The following NOMO3 variants were observed in gnomAD, a reference collection of about 807,000 sequenced individuals.
NOMO3 encodes the protein BOS complex subunit NOMO3.
Under a neutral mutation model 69.9 loss-of-function variants are expected in NOMO3, and 15 were observed. The ratio of observed to expected loss-of-function variants is 0.21; its 90% CI spans 0.14 to 0.33. The LOEUF (loss-of-function observed/expected upper bound fraction) is 0.33. Among genes scored for constraint, NOMO3 ranks in the 10% least tolerant of loss-of-function variants. The pLI, the probability that NOMO3 is intolerant of heterozygous loss-of-function variation, is 1.00. For missense variants in NOMO3, 218 were observed against 761.0 expected, an observed-to-expected ratio of 0.29 and a Z score of 8.39; for synonymous variants, 89 against 301.9, an observed-to-expected ratio of 0.29 and a Z score of 7.31.
intron 20 of NOMO3, among the ~76,000 whole-genome samples, chr16:16,274,360 T>C (rs1330570495): frequency 1.4e-5 from 1 of 69,334 alleles, no homozygotes; most frequent in Non-Finnish European, 2.8e-5. Flanking sequence ...TTGATCTTTT[T>C]GGAAAAGGAC....
chr16:16,266,062 G>A (rs2049616836), intron 15 of NOMO3, among the ~76,000 whole-genome samples: 1 of 143,382 alleles, frequency 7.0e-6, no homozygotes, highest in Admixed American at 6.7e-5. Flanking sequence ...CTTGTTGACT[G>A]TGGTCTCTGT....
chr16:16,237,937 T>C (rs376640724), intron 2 of NOMO3, among the ~76,000 whole-genome samples: 132 of 139,662 alleles, frequency 9.5e-4, no homozygotes, highest in African/African-American at 2.5e-3. Context: ...CATATGTATA[T>C]ATGGAAATAC....
intron 6 of NOMO3, among the ~76,000 whole-genome samples, chr16:16,248,048 T>C (rs914455598): frequency 1.0e-5 from 1 of 97,774 alleles, no homozygotes; most frequent in Non-Finnish European, 1.8e-5. Flanking sequence ...AATATGATTT[T>C]AAATACTTGT....
In NOMO3 at chr16:16,263,500, C is replaced by T. The variant is rs1172301422; in HGVS notation, c.1538-13C>T. On this transcript the variant is annotated splice_polypyrimidine_tract_variant and intron_variant, in intron 13 of 30. Transcript: ENST00000399336. ...AAGGGGTCACATGGAGCCCTCCCTTCTTTTCCCTGCAGACACCTGTGGTGA... is the reference window on the plus strand; with the variant it reads ...AAGGGGTCACATGGAGCCCTCCCTTTTTTTCCCTGCAGACACCTGTGGTGA... The T allele has an allele frequency of 6.0e-6, 7 of 1,175,316 alleles. No individual in the cohort carries two copies. Among genetic ancestry groups the T allele is most frequent in the Non-Finnish European group, 6.8e-6 (6 of 876,884 alleles). The allele number at this position is 1,175,316 out of a possible 1,614,324, so 72.8% of individuals were successfully genotyped here.
At position 16,273,751 on chromosome 16, in the gene NOMO3, G is replaced by A; in HGVS notation, c.2117G>A (p.Arg706Gln). The stretch of plus-strand genomic sequence containing the variant: ...CCTCTGAAGTCTGTGCAGGAGCTGC[G>A]GAGGGAGCAGCAGCTGGCTGAGATC... ...LGPLKSVQEL[R>Q]REQQLAEIEA... The change falls in exon 19 of 31, where the codon CGG (arginine) becomes CAG (glutamine). Residue 706 changes from arginine (R) to glutamine (Q), a missense_variant. Coordinates refer to ENST00000399336, the MANE Select transcript of NOMO3 (RefSeq NM_001004067.4). 1.0e-6 allele frequency: 1 copy of A among 984,274 alleles called. No individual in the cohort carries two copies. The highest frequency in any genetic ancestry group is 5.6e-5 in the African/African-American group (1 of 17,848). 61.0% of individuals were successfully genotyped at this position (984,274 alleles called of 1,614,324 possible).
intron 3 of NOMO3, 132 bp from the exon 4 acceptor site, chr16:16,243,029 G>A: frequency 6.7e-6 from 9 of 1,335,828 alleles, no homozygotes; most frequent in Non-Finnish European, 8.9e-6. Flanking sequence ...AACACAACGA[G>A]TGTATTAAGT....
rs1372535097 is a variant in NOMO3 at position 16,255,616 on chromosome 16, C to T, written c.964-104C>T. On this transcript the variant is annotated intron_variant, in intron 9 of 30. Transcript: ENST00000399336. ...GGGGCACTGAGTGTTGGGAGGTGGG[C>T]GGCAGGAGCAGACATGGTAGGTGGT... The T allele has an allele frequency of 4.5e-6, 3 of 669,518 alleles. 1 individual carries two copies. The highest frequency in any genetic ancestry group is 6.2e-5 in the East Asian group (2 of 32,106). The allele number at this position is 669,518 out of a possible 1,614,324, so 41.5% of individuals were successfully genotyped here. A position where few individuals can be genotyped will look rare whatever the true frequency, so the allele number is the denominator to read the frequency against.
intron 12 of NOMO3, among the ~76,000 whole-genome samples, chr16:16,262,682 A>C (rs1231440159): frequency 7.5e-6 from 1 of 133,108 alleles, no homozygotes; most frequent in Admixed American, 7.3e-5. Context: ...AAAATGACTT[A>C]ATTCCACCAA....
At chr16:16,245,295 A>T in intron 5 of NOMO3, 121 bp downstream of exon 5, 1 of 1,529,146 alleles carries the variant, frequency 6.5e-7, no homozygotes, top group South Asian at 1.2e-5. Context: ...CAGCCTCTTA[A>T]GTTTGGGTGA....
chr16:16,263,272 G>A (rs958643732), intron 13 of NOMO3, 57 bp downstream of exon 13: 1 of 1,595,232 alleles, frequency 6.3e-7, no homozygotes, highest in African/African-American at 1.5e-5. Context: ...GCCGGTAGGA[G>A]TGGGATTTGG....
rs1272761231 is a variant in NOMO3, at chr16:16,256,128, C to T, written c.1190C>T (p.Thr397Ile). The stretch of plus-strand genomic sequence containing the variant: ...GTCACCATCAAAATTGCACCAAACA[C>T]ACCTCAGCTGGCTGACATTGTTGCA... ...ETVTIKIAPN[T>I]PQLADIVATG... is the part of the protein sequence containing the mutation. The change falls in exon 11 of 31, where the codon ACA (threonine) becomes ATA (isoleucine). Residue 397 changes from threonine (T) to isoleucine (I), a missense_variant. Transcript: ENST00000399336. The T allele has an allele frequency of 2.5e-6, 4 of 1,587,810 alleles. 1 individual carries two copies. The highest frequency in any genetic ancestry group is 3.2e-5 in the African/African-American group (2 of 62,838).
intron 13 of NOMO3, 45 bp downstream of exon 13, chr16:16,263,260 C>G: frequency 1.9e-6 from 3 of 1,595,530 alleles, no homozygotes; most frequent in Non-Finnish European, 2.5e-6. Context: ...TCAAAGAAGT[C>G]AGCCGGTAGG....
At chr16:16,249,649 A>G (rs1347085674) in intron 6 of NOMO3, among the ~76,000 whole-genome samples, 3 of 143,780 alleles carry the variant, frequency 2.1e-5, no homozygotes, top group Admixed American at 6.8e-5. Flanking sequence ...AAGAGATTTT[A>G]AGGTTTACAT....
chr16:16,236,530 G>A (rs1295353928), intron 1 of NOMO3, among the ~76,000 whole-genome samples: 1 of 144,626 alleles, frequency 6.9e-6, no homozygotes, highest in African/African-American at 2.8e-5. Flanking sequence ...GTACTGGCAT[G>A]AGCCACCGTG....
intron 16 of NOMO3, among the ~76,000 whole-genome samples, chr16:16,269,429 ATTTTTTTTT>A (rs750179595): frequency 1.8e-5 from 2 of 111,512 alleles, no homozygotes; most frequent in African/African-American, 8.1e-5. Context: ...GAGAAACCTG[ATTTTTTTTT>A]TTTTTTTTTT....
chr16:16,269,129 T>C (rs1300738535), intron 16 of NOMO3, among the ~76,000 whole-genome samples: 2 of 144,130 alleles, frequency 1.4e-5, no homozygotes, highest in Non-Finnish European at 3.0e-5. Context: ...GGGGCCTTCT[T>C]ACCCATCAGT....
chr16:16,260,396 C>G (rs2049553199), intron 11 of NOMO3, among the ~76,000 whole-genome samples: 1 of 140,844 alleles, frequency 7.1e-6, no homozygotes, highest in Non-Finnish European at 1.5e-5. Context: ...AGTTCATACA[C>G]AAACGGGAGG....
Position 16,236,898 on chromosome 16 carries a change from C to T in NOMO3, c.166-3C>T. The T allele has an allele frequency of 6.7e-7, 1 of 1,494,136 alleles. No individual in the cohort carries two copies. The highest frequency in any genetic ancestry group is 9.0e-7 in the Non-Finnish European group (1 of 1,106,682). The allele number at this position is 1,494,136 out of a possible 1,614,324, so 92.6% of individuals were successfully genotyped here. On this transcript the variant is annotated splice_polypyrimidine_tract_variant and splice_region_variant and intron_variant, in intron 1 of 30. Coordinates refer to ENST00000399336, the MANE Select transcript of NOMO3 (RefSeq NM_001004067.4). ...ATTTCTGTTTTCCTTCCTTCCTTTC[C>T]AGATAAAGCTGTACACCAAGCATGG...
At chr16:16,235,446 C>T (rs529099696) in intron 1 of NOMO3, among the ~76,000 whole-genome samples, 2 of 149,138 alleles carry the variant, frequency 1.3e-5, no homozygotes, top group African/African-American at 2.6e-5. Flanking sequence ...CTACGTATTA[C>T]ACTGTGTTGC....
Sources: allele counts gnomAD v4.1 joint callset (sites outside exome capture counted in the v4.1 genomes callset), GRCh38; gene constraint gnomAD v4.1.1; transcripts MANE v1.5; gene names NCBI Gene and HGNC (gene_info 2026-07-23, HGNC 2026-07-21).